The following SHLD1 variants were observed in gnomAD, a reference collection of about 807,000 sequenced individuals.
The protein encoded by SHLD1 is RINN1-REV7-interacting novel NHEJ regulator 3.
A neutral mutation model predicts 5.5 loss-of-function variants in SHLD1; 3 were observed. The observed-to-expected ratio is 0.54, with a 90% CI of 0.25 to 1.40. The LOEUF is 1.40. SHLD1 is among the 40% of genes most tolerant of loss of function. The pLI is 0.15. For synonymous variants in SHLD1, 92 were observed against 94.3 expected (o/e 0.98, Z 0.14); for missense variants, 210 against 244.4 (o/e 0.86, Z 0.94).
chr20:5,853,579 T>C (rs2088040550), intron 2 of SHLD1, among the ~76,000 whole-genome samples: 1 of 152,210 alleles, frequency 6.6e-6, no homozygotes, highest in African/African-American at 2.4e-5. Context: ...TTCCTTAATC[T>C]AAAACTTTGA....
At chr20:5,843,066 C>T (rs2087885735) in intron 2 of SHLD1, among the ~76,000 whole-genome samples, 1 of 152,186 alleles carries the variant, frequency 6.6e-6, no homozygotes, top group Non-Finnish European at 1.5e-5. Flanking sequence ...TTTCCCTGTG[C>T]ATTTTGAGCT....
intron 2 of SHLD1, among the ~76,000 whole-genome samples, chr20:5,809,085 AT>A (rs1271050209): frequency 1.3e-5 from 2 of 152,084 alleles, no homozygotes; most frequent in Non-Finnish European, 2.9e-5. Context: ...AAAAAGAATA[AT>A]TTCTCATAAG....
rs2088075508 is a variant in SHLD1, at chr20:5,855,822, C to T, written c.179-7202C>T. Among the ~76,000 whole-genome samples the T allele has an allele frequency of 6.6e-6, 1 of 152,230 alleles. No individual in the cohort carries two copies. Among genetic ancestry groups the T allele is most frequent in the Non-Finnish European group, 1.5e-5 (1 of 68,034 alleles). ...TATTGTTCACCAATATTCTCTGCCT[C>T]TCCCTACAGGATATTCTTTCATCCT... On this transcript the variant is annotated intron_variant, in intron 2 of 2. Coordinates refer to ENST00000303142, the MANE Select transcript of SHLD1 (RefSeq NM_152504.4). The surrounding 1 kb of genome is among the most constrained non-coding windows in gnomAD (Gnocchi z 4.4).
Position 5,806,499 on chromosome 20 carries a change from A to G in SHLD1, c.178+33456A>G, listed in dbSNP as rs1423195188. Among the ~76,000 whole-genome samples, 1 of 152,168 alleles carries G rather than the reference A, an allele frequency of 6.6e-6. No individual in the cohort carries two copies. The highest frequency in any genetic ancestry group is 1.5e-5 in the Non-Finnish European group (1 of 68,030). Reference sequence around the variant, plus strand: ...ATGCCTTGTGTTCATTTCCTCTCCTACCAGTCAGGCATGCAGTTTTGATAA... The same window carrying G: ...ATGCCTTGTGTTCATTTCCTCTCCTGCCAGTCAGGCATGCAGTTTTGATAA... On this transcript the variant is annotated intron_variant, in intron 2 of 2. Coordinates refer to ENST00000303142, the MANE Select transcript of SHLD1 (RefSeq NM_152504.4). This position sits in a 1 kb window ranked among gnomAD's most constrained non-coding sequence, Gnocchi z 7.6.
At position 5,863,102 on chromosome 20, in the gene SHLD1, A is replaced by C. The variant is rs1340525313; in HGVS notation, c.257A>C (p.Gln86Pro). ...TGGCTTGACCCTGCTGTGAAAGGCC[A>C]GTCAGAGAAGGAAGAGGATGATGGC... is the stretch of plus-strand genomic sequence containing the variant. ...NFWLDPAVKG[Q>P]SEKEEDDGLR... is the part of the protein sequence containing the mutation. The change falls in exon 3 of 3, where the codon CAG (glutamine) becomes CCG (proline). Residue 86 changes from glutamine (Q) to proline (P), a missense_variant. Gln to Pro is a moderately conservative substitution (Grantham distance 76). Coordinates refer to ENST00000303142, the MANE Select transcript of SHLD1 (RefSeq NM_152504.4). 1.2e-6 allele frequency: 2 copies of C among 1,614,088 alleles called. No homozygotes were observed. Among genetic ancestry groups the C allele is most frequent in the Non-Finnish European group, 1.7e-6 (2 of 1,180,032 alleles).
At chr20:5,846,215 A>G (rs2087931088) in intron 2 of SHLD1, among the ~76,000 whole-genome samples, 1 of 152,208 alleles carries the variant, frequency 6.6e-6, no homozygotes, top group Admixed American at 6.5e-5. Context: ...TGATTTGGAC[A>G]GATTGTGGGA....
chr20:5,761,879 A>G (rs957211427), intron 1 of SHLD1, among the ~76,000 whole-genome samples: 2 of 151,974 alleles, frequency 1.3e-5, no homozygotes, highest in African/African-American at 2.4e-5. Flanking sequence ...AAGTGCTGAG[A>G]TTACAGGCAT....
chr20:5,850,509 T>C (rs2122491702), intron 2 of SHLD1, among the ~76,000 whole-genome samples: 1 of 147,534 alleles, frequency 6.8e-6, no homozygotes, highest in South Asian at 2.1e-4. Flanking sequence ...TTTTTAGTTT[T>C]AATTTTTTTT....
chr20:5,822,842 G>A (rs903604449), intron 2 of SHLD1, among the ~76,000 whole-genome samples: 1 of 151,808 alleles, frequency 6.6e-6, no homozygotes, highest in Non-Finnish European at 1.5e-5. Flanking sequence ...CATGACCCCA[G>A]GTTCCTCTTT....
chr20:5,762,966 C>T (rs1335885145), intron 1 of SHLD1, among the ~76,000 whole-genome samples: 12 of 84,624 alleles, frequency 1.4e-4, no homozygotes, highest in Non-Finnish European at 2.3e-4. Flanking sequence ...AGTGAGACTC[C>T]GTCTCAAAAA....
chr20:5,761,338 G>A (rs6116940), intron 1 of SHLD1, among the ~76,000 whole-genome samples: 1 of 151,524 alleles, frequency 6.6e-6, no homozygotes, highest in South Asian at 2.1e-4. Context: ...CGGGTTGATA[G>A]GTGCAGTAAA....
At position 5,806,018 on chromosome 20, in the gene SHLD1, T is replaced by C. The variant is rs1287376841; in HGVS notation, c.178+32975T>C. ...GAAGGGCATTATCGCTTTAAACATG[T>C]TTTTTGATTTAAATTTTTAAATATT... On this transcript the variant is annotated intron_variant, in intron 2 of 2. Transcript: ENST00000303142. This position sits in a 1 kb window ranked among gnomAD's most constrained non-coding sequence, Gnocchi z 7.6. 1.3e-5 allele frequency among the ~76,000 whole-genome samples: 2 copies of C among 152,130 alleles called. No homozygotes were observed. The highest frequency in any genetic ancestry group is 2.1e-4 in the South Asian group (1 of 4,830).
At chr20:5,789,158 G>T (rs2087102911) in intron 2 of SHLD1, among the ~76,000 whole-genome samples, 1 of 146,958 alleles carries the variant, frequency 6.8e-6, no homozygotes, top group African/African-American at 2.5e-5. Context: ...AAGAAGAAAA[G>T]AAAAAGTGAT....
intron 2 of SHLD1, among the ~76,000 whole-genome samples, chr20:5,844,307 A>T (rs1444359912): frequency 6.6e-6 from 1 of 152,126 alleles, no homozygotes; most frequent in East Asian, 1.9e-4. Context: ...TCTTCAGTGT[A>T]TTTACTAACT....
At chr20:5,753,875 A>C (rs972448683) in intron 1 of SHLD1, among the ~76,000 whole-genome samples, 1 of 152,134 alleles carries the variant, frequency 6.6e-6, no homozygotes, top group African/African-American at 2.4e-5. Context: ...ATCCGTTCGG[A>C]ACCCCCCTCC....
At chr20:5,832,691 G>T (rs34957328) in intron 2 of SHLD1, among the ~76,000 whole-genome samples, 2,854 of 152,092 alleles carry the variant, frequency 0.019, 32 homozygotes, top group Non-Finnish European at 0.029. Context: ...GTAAAACCAT[G>T]CAGTCTACTA....
intron 2 of SHLD1, among the ~76,000 whole-genome samples, chr20:5,862,512 C>T (rs1018736026): frequency 7.9e-5 from 12 of 152,244 alleles, no homozygotes; most frequent in African/African-American, 2.9e-4. Context: ...CCCTAATAAA[C>T]TCAACTACTC....
chr20:5,814,687 T>C (rs143334448), intron 2 of SHLD1, among the ~76,000 whole-genome samples: 1 of 140,598 alleles, frequency 7.1e-6, no homozygotes, highest in Admixed American at 7.5e-5. Context: ...TGAGATAGGG[T>C]CTCACTCTGT....
chr20:5,796,520 C>T (rs531941829), intron 2 of SHLD1, among the ~76,000 whole-genome samples: 6 of 151,974 alleles, frequency 3.9e-5, no homozygotes, highest in East Asian at 1.9e-4. Context: ...ACATTTTCAG[C>T]GTGAGTTAGA....
Sources: allele counts gnomAD v4.1 joint callset (sites outside exome capture counted in the v4.1 genomes callset), GRCh38; gene constraint gnomAD v4.1.1; non-coding constraint Gnocchi (gnomAD v3.1); transcripts MANE v1.5; gene names NCBI Gene and HGNC (gene_info 2026-07-23, HGNC 2026-07-21).